Variants in ADCY8 observed in about 807,000 individuals in gnomAD.
The protein encoded by ADCY8 is adenylate cyclase type 8.
In ADCY8, 51 loss-of-function variants were observed where a neutral mutation model predicts 119.7. The observed-to-expected ratio is 0.43, with a 90% CI of 0.34 to 0.54. The LOEUF (loss-of-function observed/expected upper bound fraction) is 0.54, where lower values mean the gene tolerates loss of function less well. Ranked by LOEUF, ADCY8 falls within the 20% of genes least tolerant of loss-of-function variation. The pLI, the probability that ADCY8 is intolerant of heterozygous loss-of-function variation, is 0.03. For synonymous variants in ADCY8, 665 were observed against 651.0 expected, an observed-to-expected ratio of 1.02 and a Z score of -0.33; for missense variants, 1,383 against 1,598.8, an observed-to-expected ratio of 0.87 and a Z score of 2.30.
intron 5 of ADCY8, among the ~76,000 whole-genome samples, chr8:130,931,816 C>G (rs1250841157): frequency 6.6e-6 from 1 of 152,144 alleles, no homozygotes; most frequent in Non-Finnish European, 1.5e-5. Context: ...CATTAAGTTT[C>G]TTGTTCTGGT....
chr8:130,898,308 A>C (rs1819476251), intron 7 of ADCY8, among the ~76,000 whole-genome samples: 1 of 133,122 alleles, frequency 7.5e-6, no homozygotes, highest in Non-Finnish European at 1.7e-5. Flanking sequence ...CACTCCCGAC[A>C]TGCTACCTGT....
In ADCY8 at chr8:131,039,393, G is replaced by T. The variant is rs184754999; in HGVS notation, c.941C>A (p.Ala314Glu). 29 of 1,612,882 alleles carry T rather than the reference G, an allele frequency of 1.8e-5. No homozygotes were observed. The highest frequency in any genetic ancestry group is 6.7e-5 in the African/African-American group (5 of 75,046). Residue 314 changes from alanine (A) to glutamate (E), a missense_variant, in exon 1 of 18, where the codon GCG (alanine) becomes GAG (glutamate). Ala to Glu is a moderately radical substitution (Grantham distance 107). This residue lies in a region of ADCY8 where 455 missense variants were observed against 435.3 expected (regional missense o/e 1.05). Transcript: ENST00000286355. ...AGTTACCTGGTTGATGGAAATGACC[G>T]CCAGCCGGGGTATGACCACTTGGAG... is the stretch of plus-strand genomic sequence containing the variant. Reference protein sequence around the residue: ...VILQVVIPRLAVISINQVVAQ... With the variant: ...VILQVVIPRLEVISINQVVAQ...
In ADCY8 at chr8:130,951,476, T is replaced by TTTAA. The variant is rs544309216; in HGVS notation, c.1241+391_1241+392insTTAA. ...AAGGAAAATAAACTGTCATCCTCTT[T>TTTAA]GTACTGTTTTAAACACACTTATGAG... On this transcript the variant is annotated intron_variant, in intron 3 of 17. Transcript: ENST00000286355. 3.5e-3 allele frequency among the ~76,000 whole-genome samples: 528 copies of TTTAA among 152,306 alleles called. 7 individuals carry two copies. The highest frequency in any genetic ancestry group is 0.025 in the Admixed American group (382 of 15,300).
chr8:130,803,682 A>G (rs1815853365), intron 14 of ADCY8, among the ~76,000 whole-genome samples: 1 of 152,234 alleles, frequency 6.6e-6, no homozygotes, highest in South Asian at 2.1e-4. Flanking sequence ...ACAGGAAATG[A>G]GACAGAGAGG....
chr8:131,019,449 TA>T (rs1315817478), intron 1 of ADCY8, among the ~76,000 whole-genome samples: 2 of 152,196 alleles, frequency 1.3e-5, no homozygotes, highest in African/African-American at 4.8e-5. Context: ...CTTCTCTTGA[TA>T]TGATTCCTGT....
At chr8:131,010,183 C>A (rs1033313489) in intron 1 of ADCY8, among the ~76,000 whole-genome samples, 4 of 152,180 alleles carry the variant, frequency 2.6e-5, no homozygotes, top group African/African-American at 9.6e-5. Flanking sequence ...AATATATGGA[C>A]TTTCTTATTT....
At chr8:130,814,264 A>G in intron 13 of ADCY8, 37 bp from the exon 14 acceptor site, 1 of 1,610,040 alleles carries the variant, frequency 6.2e-7, no homozygotes, top group Non-Finnish European at 8.5e-7. Flanking sequence ...GAATGAGGTA[A>G]ACTTCTGAGG....
At chr8:130,892,554 G>A (rs1447321016) in intron 7 of ADCY8, 2 of 152,136 alleles carry the variant, frequency 1.3e-5, no homozygotes, top group Non-Finnish European at 2.9e-5. Flanking sequence ...GTAAACTGGA[G>A]CATGAAAACA....
chr8:130,873,124 C>T (rs2130417604), intron 8 of ADCY8, among the ~76,000 whole-genome samples: 1 of 152,262 alleles, frequency 6.6e-6, no homozygotes, highest in East Asian at 1.9e-4. Context: ...TTCCAGCCTT[C>T]CATGTTTCCA....
At chr8:131,039,227 A>T (rs1824268078) in intron 1 of ADCY8, 147 bp downstream of exon 1, 19 of 1,169,976 alleles carry the variant, frequency 1.6e-5, no homozygotes, top group Admixed American at 2.4e-5. Flanking sequence ...TTCCGCTAAC[A>T]CTCAAGACCT....
At chr8:130,819,977 T>C (rs1816457473) in intron 13 of ADCY8, among the ~76,000 whole-genome samples, 1 of 152,184 alleles carries the variant, frequency 6.6e-6, no homozygotes, top group African/African-American at 2.4e-5. Context: ...TGAAGACAGA[T>C]CAGGATTTGA....
chr8:130,897,031 C>G (rs918422360), intron 7 of ADCY8, among the ~76,000 whole-genome samples: 1 of 152,036 alleles, frequency 6.6e-6, no homozygotes, highest in Non-Finnish European at 1.5e-5. Flanking sequence ...AAGTGGTTGC[C>G]CAAGGTCTCT....
chr8:130,827,495 A>G (rs1019541907), intron 12 of ADCY8, among the ~76,000 whole-genome samples: 1 of 152,202 alleles, frequency 6.6e-6, no homozygotes, highest in Non-Finnish European at 1.5e-5. Flanking sequence ...TGTAAATCAG[A>G]CACCACCTCC....
At chr8:131,003,694 G>T (rs1259835003) in intron 1 of ADCY8, among the ~76,000 whole-genome samples, 1 of 152,156 alleles carries the variant, frequency 6.6e-6, no homozygotes, top group Non-Finnish European at 1.5e-5. Context: ...AATAGAGCTA[G>T]TAAGTGGTAC....
intron 1 of ADCY8, among the ~76,000 whole-genome samples, chr8:131,030,508 C>A (rs1823964693): frequency 2.0e-5 from 3 of 152,178 alleles, no homozygotes; most frequent in African/African-American, 7.2e-5. Flanking sequence ...GAGTCCAAGT[C>A]TTGCATTTGT....
chr8:130,888,105 G>C (rs898768201), intron 7 of ADCY8, among the ~76,000 whole-genome samples: 2 of 151,838 alleles, frequency 1.3e-5, no homozygotes, highest in Non-Finnish European at 2.9e-5. Flanking sequence ...ATGTTGAGAC[G>C]GTTCTTTCAC....
At chr8:130,894,447 G>A (rs1819314483) in intron 7 of ADCY8, among the ~76,000 whole-genome samples, 1 of 152,102 alleles carries the variant, frequency 6.6e-6, no homozygotes, top group African/African-American at 2.4e-5. Context: ...CAGAGTGGGT[G>A]ATACTTCATA....
At chr8:131,003,157 T>C (rs1209926079) in intron 1 of ADCY8, among the ~76,000 whole-genome samples, 1 of 149,924 alleles carries the variant, frequency 6.7e-6, no homozygotes. Flanking sequence ...GCTAGTGAGC[T>C]GAGATCGCAC....
chr8:130,921,444 C>CCT (rs1563729431), intron 5 of ADCY8, among the ~76,000 whole-genome samples: 1 of 132,564 alleles, frequency 7.5e-6, no homozygotes, highest in Non-Finnish European at 1.6e-5. Context: ...TTTTCTTTTT[C>CCT]TTTTCTTTTT....
Sources: gnomAD v4.1 joint callset for allele counts (sites outside exome capture counted in the v4.1 genomes callset) on GRCh38, gnomAD v4.1.1 for gene constraint, gnomAD v4.1.1 regional missense constraint, MANE v1.5 for transcripts, NCBI Gene and HGNC (gene_info 2026-07-23, HGNC 2026-07-21) for gene names.